SLC20A2: variants seen among roughly 807,000 people sequenced by gnomAD.
The protein encoded by SLC20A2 is solute carrier family 20 member 2.
In SLC20A2, 30 loss-of-function variants were observed where a neutral mutation model predicts 61.0. The observed-to-expected ratio is 0.49, with a 90% CI of 0.37 to 0.67. The LOEUF is 0.67. Ranked by LOEUF, SLC20A2 falls within the 30% of genes least tolerant of loss-of-function variation. The pLI, the probability that SLC20A2 is intolerant of heterozygous loss-of-function variation, is 0.00. For missense variants in SLC20A2, 626 were observed against 866.4 expected (o/e 0.72, Z 3.48); for synonymous variants, 351 against 353.3 (o/e 0.99, Z 0.07).
intron 6 of SLC20A2, 43 bp from the exon 7 acceptor site, chr8:42,439,696 C>CAG: frequency 7.4e-7 from 1 of 1,354,456 alleles, no homozygotes; most frequent in Non-Finnish European, 1.1e-6. Context: ...GAAGAGAGTT[C>CAG]TTATTATTGA....
chr8:42,502,009 G>A (rs763732942), upstream of SLC20A2, among the ~76,000 whole-genome samples: 9 of 152,186 alleles, frequency 5.9e-5, no homozygotes, highest in Non-Finnish European at 1.3e-4. Context: ...AAACCGCTTA[G>A]TATCTACTCA....
chr8:42,459,974 C>T lies in SLC20A2; in HGVS notation c.535G>A (p.Gly179Ser). ...ILKKEDPVPN[G>S]LRALPVFYAA... ...TAGAATACTGGGAGTGCCCGGAGGC[C>T]ATTGGGAACAGGGTCTTCCTGTAGG... is the stretch of plus-strand genomic sequence containing the variant. Residue 179 changes from glycine (G) to serine (S), a missense_variant, in exon 5 of 11, where the codon GGC becomes AGC. Physicochemically the swap from Gly to Ser is moderately conservative, Grantham distance 56 (BLOSUM62 0). Coordinates refer to ENST00000520262, the MANE Select transcript of SLC20A2 (RefSeq NM_001257180.2). 6.2e-7 allele frequency: 1 copy of T among 1,611,020 alleles called. No homozygotes were observed. The highest frequency in any genetic ancestry group is 8.5e-7 in the Non-Finnish European group (1 of 1,177,712).
chr8:42,471,090 C>T, intron 2 of SLC20A2: 1 of 449,560 alleles, frequency 2.2e-6, no homozygotes, highest in Non-Finnish European at 4.5e-6. Flanking sequence ...ACTCTTCCTA[C>T]AAGAGGATAT....
chr8:42,437,241 G>A lies in SLC20A2; in HGVS notation c.1271C>T (p.Ser424Phe), dbSNP rs1804350118. ...EKLVGDTVSY[S>F]KKRLRYDSYS... ...GCTGTCGTAGCGCAGCCTCTTCTTG[G>A]AGTAGGACACGGTGTCGCCCACCAG... The change falls in exon 8 of 11, where the codon TCC becomes TTC. Residue 424 changes from serine (S) to phenylalanine (F), a missense_variant. By Grantham distance (155) the Ser-to-Phe change is radical. Around this residue, in one of 3 missense-constraint regions of SLC20A2, gnomAD observed 361 missense variants for 422.3 expected, o/e 0.85. Transcript: ENST00000520262. This position sits in a 1 kb window ranked among gnomAD's most constrained non-coding sequence, Gnocchi z 6.4. 1.2e-6 allele frequency: 2 copies of A among 1,613,770 alleles called. No homozygotes were observed. The highest frequency in any genetic ancestry group is 2.7e-5 in the African/African-American group (2 of 74,934).
At chr8:42,422,927 TC>T (rs1200037383) in intron 10 of SLC20A2, among the ~76,000 whole-genome samples, 1 of 152,172 alleles carries the variant, frequency 6.6e-6, no homozygotes, top group African/African-American at 2.4e-5. Flanking sequence ...CACTTTCCTC[TC>T]CCCTTCTTAT....
intron 7 of SLC20A2, among the ~76,000 whole-genome samples, chr8:42,438,786 G>A (rs953014405): frequency 5.3e-5 from 8 of 151,996 alleles, no homozygotes; most frequent in African/African-American, 1.9e-4. Flanking sequence ...GCGCAATCTC[G>A]GCTCACTGCA....
chr8:42,417,851 G>A lies in SLC20A2; in HGVS notation c.1911C>T (p.Ser637=), dbSNP rs141545390. The part of the protein sequence containing the change: ...FVTVPVAGLF[S]AAVMALLMYG... Reference sequence around the variant, plus strand: ...ACATGAGAAGAGCCATGACAGCAGCGCTGAACAGCCCAGCCACAGGGACGG... The same window carrying A: ...ACATGAGAAGAGCCATGACAGCAGCACTGAACAGCCCAGCCACAGGGACGG... Residue 637 remains serine, a synonymous_variant, in exon 11 of 11, where the codon AGC becomes AGT. Transcript: ENST00000520262. 421 of 1,614,010 alleles carry A rather than the reference G, an allele frequency of 2.6e-4. No individual in the cohort carries two copies. The highest frequency in any genetic ancestry group is 2.9e-4 in the Non-Finnish European group (346 of 1,180,014).
chr8:42,524,144 T>C (rs1811769792), intron 1 of SLC20A2, among the ~76,000 whole-genome samples: 1 of 152,210 alleles, frequency 6.6e-6, no homozygotes, highest in South Asian at 2.1e-4. Context: ...AGGAACTGTA[T>C]TTTCACTAAA....
rs112491494 is a variant in SLC20A2 at position 42,524,124 on chromosome 8, G to A, written c.-265+17697C>T. The stretch of plus-strand genomic sequence containing the variant: ...CAGAATCTCTCCCTAATTGCTGGGA[G>A]AGTATACCAAGGAACTGTATTTTCA... On this transcript the variant is annotated intron_variant, in intron 1 of 10. Transcript: ENST00000342228. Among the ~76,000 whole-genome samples the A allele has an allele frequency of 7.8e-3, 1,188 of 152,278 alleles. 8 individuals carry two copies. Among genetic ancestry groups the A allele is most frequent in the African/African-American group, 0.027 (1,137 of 41,546 alleles).
intron 5 of SLC20A2, among the ~76,000 whole-genome samples, chr8:42,458,118 A>T (rs1469529346): frequency 6.6e-6 from 1 of 152,216 alleles, no homozygotes; most frequent in Non-Finnish European, 1.5e-5. Context: ...GACATTAAGA[A>T]GATGAAAACC....
upstream of SLC20A2, among the ~76,000 whole-genome samples, chr8:42,502,830 G>C (rs1423748355): frequency 2.0e-5 from 3 of 152,214 alleles, no homozygotes; most frequent in Non-Finnish European, 4.4e-5. Flanking sequence ...ACTCACTCCA[G>C]AAGTCTTAAT....
intron 1 of SLC20A2, among the ~76,000 whole-genome samples, chr8:42,498,495 T>C (rs1233603865): frequency 6.6e-6 from 1 of 152,224 alleles, no homozygotes; most frequent in African/African-American, 2.4e-5. Flanking sequence ...GGGCCCAGTT[T>C]CTGTGTCCTG....
At chr8:42,465,275 T>C in intron 3 of SLC20A2, among the ~76,000 whole-genome samples, 1 of 151,634 alleles carries the variant, frequency 6.6e-6, no homozygotes. Context: ...CAGGCTGGTC[T>C]TGAACTCCTG....
chr8:42,480,340 T>C (rs1808463864), intron 1 of SLC20A2: 1 of 152,364 alleles, frequency 6.6e-6, no homozygotes, highest in African/African-American at 2.4e-5. Flanking sequence ...CAATGTGCAA[T>C]GACCACTTTT....
intron 1 of SLC20A2, among the ~76,000 whole-genome samples, chr8:42,526,609 G>A (rs1024140015): frequency 4.0e-5 from 6 of 150,600 alleles, no homozygotes; most frequent in African/African-American, 1.5e-4. Context: ...GGAGGCAGAG[G>A]TTGCAGTGAG....
chr8:42,538,277 TATATA>T (rs1210355101), intron 1 of SLC20A2: 1 of 148,540 alleles, frequency 6.7e-6, no homozygotes, highest in Non-Finnish European at 1.5e-5. Flanking sequence ...TTATAGGTAT[TATATA>T]ATATTATATA....
chr8:42,513,788 C>T (rs912110412), intron 1 of SLC20A2, among the ~76,000 whole-genome samples: 11 of 151,984 alleles, frequency 7.2e-5, no homozygotes, highest in East Asian at 1.9e-4. Flanking sequence ...AATCCTGTAA[C>T]GGAAGTAAGG....
At chr8:42,436,712 G>GT (rs1804288603) in intron 8 of SLC20A2, among the ~76,000 whole-genome samples, 1 of 152,196 alleles carries the variant, frequency 6.6e-6, no homozygotes, top group African/African-American at 2.4e-5. Flanking sequence ...GGCCGCCCCT[G>GT]CACCTCCGTC....
intron 5 of SLC20A2, among the ~76,000 whole-genome samples, chr8:42,452,586 A>G (rs1371084189): frequency 1.3e-5 from 2 of 148,816 alleles, no homozygotes; most frequent in Non-Finnish European, 3.0e-5. Context: ...GGGAAGAGGA[A>G]GAGATGAAGA....
Sources: gnomAD v4.1 joint callset for allele counts (sites outside exome capture counted in the v4.1 genomes callset) on GRCh38, gnomAD v4.1.1 for gene constraint, gnomAD v4.1.1 regional missense constraint, Gnocchi (gnomAD v3.1) non-coding constraint, MANE v1.5 for transcripts, NCBI Gene and HGNC (gene_info 2026-07-23, HGNC 2026-07-21) for gene names.